The following SLC36A1 variants were observed in gnomAD, a reference collection of about 807,000 sequenced individuals.
SLC36A1 encodes the protein solute carrier family 36 member 1.
Under a neutral mutation model 47.5 loss-of-function variants are expected in SLC36A1, and 30 were observed. That is an observed-to-expected ratio of 0.63 (90% CI 0.47 to 0.86). SLC36A1 has a LOEUF of 0.86. SLC36A1 is among the 40% of genes least tolerant of loss of function. SLC36A1 has a pLI of 0.00. For missense variants in SLC36A1, 517 were observed against 606.0 expected (o/e 0.85, Z 1.54); for synonymous variants, 255 against 249.7 (o/e 1.02, Z -0.20).
upstream of SLC36A1, among the ~76,000 whole-genome samples, chr5:151,446,962 T>C (rs1752960704): frequency 6.6e-6 from 1 of 152,216 alleles, no homozygotes; most frequent in Non-Finnish European, 1.5e-5. Flanking sequence ...TGCATATATA[T>C]TTACAGTTGT....
chr5:151,544,508 T>C, the SLC36A1 span: 1 of 1,614,060 alleles, frequency 6.2e-7, no homozygotes, highest in South Asian at 1.1e-5. Flanking sequence ...TCCTCCACAA[T>C]GTTGTAGATG....
chr5:151,436,566 C>A (rs1264554895), upstream of SLC36A1, among the ~76,000 whole-genome samples: 1 of 151,822 alleles, frequency 6.6e-6, no homozygotes, highest in African/African-American at 2.4e-5. Context: ...CACAGGAGAA[C>A]CCACAGATTC....
At chr5:151,405,371 A>G in the SLC36A1 span, among the ~76,000 whole-genome samples, 1 of 94,230 alleles carries the variant, frequency 1.1e-5, no homozygotes, top group Middle Eastern at 9.4e-3. Flanking sequence ...TTTTTTTGAG[A>G]TAGGGTGTTG....
the SLC36A1 span, chr5:151,542,922 G>A: frequency 6.2e-7 from 1 of 1,614,194 alleles, no homozygotes; most frequent in East Asian, 2.2e-5. Context: ...CACCATCCTT[G>A]TTGCTCTCAG....
chr5:151,345,955 A>G, the SLC36A1 span, among the ~76,000 whole-genome samples: 1 of 152,222 alleles, frequency 6.6e-6, no homozygotes, highest in East Asian at 1.9e-4. Flanking sequence ...CTGGACACAA[A>G]GAAGTTCCAG....
rs1383116784 is a variant in SLC36A1, at chr5:151,489,734, G to A, written c.*1480G>A. 2.6e-5 allele frequency: 4 copies of A among 152,216 alleles called. No individual in the cohort carries two copies. The highest frequency in any genetic ancestry group is 6.5e-5 in the Admixed American group (1 of 15,270). 9.4% of individuals were successfully genotyped at this position (152,216 alleles called of 1,614,324 possible). A position where few individuals can be genotyped will look rare whatever the true frequency, so the allele number is the denominator to read the frequency against. The stretch of plus-strand genomic sequence containing the variant: ...TGCCTCTTCTTTCCTCTTGGTGTGC[G>A]AAGTATTTCAGAAGGCCATTGATGA... On this transcript the variant is annotated 3_prime_UTR_variant, in exon 11 of 11. Transcript: ENST00000243389. This position sits in a 1 kb window ranked among gnomAD's most constrained non-coding sequence, Gnocchi z 4.5.
At chr5:151,545,204 C>T in the SLC36A1 span, 4 of 1,614,190 alleles carry the variant, frequency 2.5e-6, no homozygotes, top group Non-Finnish European at 3.4e-6. Flanking sequence ...TTCACAGCTG[C>T]CCAGTAGACA....
chr5:151,355,791 C>T, the SLC36A1 span, among the ~76,000 whole-genome samples: 29,141 of 152,088 alleles, frequency 0.19, 3,099 homozygotes, highest in Non-Finnish European at 0.24. Flanking sequence ...TTGAGAAAAG[C>T]ATAAAACCGC....
chr5:151,495,032 G>A (rs912982023), downstream of SLC36A1, among the ~76,000 whole-genome samples: 7 of 152,196 alleles, frequency 4.6e-5, no homozygotes, highest in South Asian at 4.1e-4. Context: ...GAAATGATGA[G>A]GTTGTATGGG....
chr5:151,464,336 C>G (rs1053165660), intron 3 of SLC36A1, among the ~76,000 whole-genome samples, 178 bp from the exon 4 acceptor site: 1 of 152,190 alleles, frequency 6.6e-6, no homozygotes, highest in Admixed American at 6.5e-5. Context: ...AGATAACACC[C>G]ATCTCACAGA....
At chr5:151,379,897 ATAT>A in the SLC36A1 span, among the ~76,000 whole-genome samples, 1 of 152,192 alleles carries the variant, frequency 6.6e-6, no homozygotes, top group Non-Finnish European at 1.5e-5. Context: ...CATACAAGAA[ATAT>A]TATAGCATTA....
chr5:151,442,806 C>T (rs959544294), upstream of SLC36A1, among the ~76,000 whole-genome samples: 2 of 152,112 alleles, frequency 1.3e-5, no homozygotes, highest in East Asian at 1.9e-4. Flanking sequence ...TCCTCCAGCA[C>T]TCCTGGGCCC....
At chr5:151,503,921 C>A in the SLC36A1 span, among the ~76,000 whole-genome samples, 7 of 152,166 alleles carry the variant, frequency 4.6e-5, no homozygotes, top group South Asian at 1.5e-3. Flanking sequence ...GGCCCCACCC[C>A]CAGAAGTTCT....
chr5:151,393,956 C>G, the SLC36A1 span, among the ~76,000 whole-genome samples: 1 of 129,056 alleles, frequency 7.7e-6, no homozygotes, highest in African/African-American at 3.6e-5. Flanking sequence ...GCCTGCCTTG[C>G]TAGGTTGGGG....
At chr5:151,468,251 C>CAAAAAAAAAAAAAAAAAAAAAAA (rs1214176868) in intron 7 of SLC36A1, among the ~76,000 whole-genome samples, 1 of 31,286 alleles carries the variant, frequency 3.2e-5, no homozygotes, top group Non-Finnish European at 5.4e-5. Flanking sequence ...GACTCTGTCT[C>CAAAAAAAAAAAAAAAAAAAAAAA]AAAAAAAAAA....
At chr5:151,526,269 A>G in the SLC36A1 span, among the ~76,000 whole-genome samples, 1 of 152,362 alleles carries the variant, frequency 6.6e-6, no homozygotes, top group South Asian at 2.1e-4. Flanking sequence ...GACTTGCTCA[A>G]GATCACACAC....
At chr5:151,358,977 T>C in the SLC36A1 span, among the ~76,000 whole-genome samples, 1 of 84,088 alleles carries the variant, frequency 1.2e-5, no homozygotes. Flanking sequence ...CGAGACTCCG[T>C]CTCAAAAAAA....
chr5:151,421,501 C>T, the SLC36A1 span, among the ~76,000 whole-genome samples: 3 of 151,988 alleles, frequency 2.0e-5, no homozygotes, highest in Non-Finnish European at 4.4e-5. Context: ...CTCAGCCTCC[C>T]AAAGTGCTGG....
chr5:151,458,806 G>A lies in SLC36A1; in HGVS notation c.14G>A (p.Arg5Lys). MSTQ[R>K]LRNEDYHDYS... ...CCCCCAGCTGCCATGTCCACGCAGA[G>A]ACTTCGGAATGAAGACTACCACGAC... The change falls in exon 2 of 11, where the codon AGA becomes AAA. Residue 5 changes from arginine (R) to lysine (K), a missense_variant. Transcript: ENST00000243389. 6.2e-7 allele frequency: 1 copy of A among 1,614,018 alleles called. No individual in the cohort carries two copies. The highest frequency in any genetic ancestry group is 1.3e-5 in the African/African-American group (1 of 75,036).
Sources: allele counts gnomAD v4.1 joint callset (sites outside exome capture counted in the v4.1 genomes callset), GRCh38; gene constraint gnomAD v4.1.1; non-coding constraint Gnocchi (gnomAD v3.1); transcripts MANE v1.5; gene names NCBI Gene and HGNC (gene_info 2026-07-23, HGNC 2026-07-21).